PHACTR1: variants seen among roughly 807,000 people sequenced by gnomAD.
PHACTR1 encodes phosphatase and actin regulator 1, also known as RPEL repeat containing 1.
PHACTR1 carries 16 observed loss-of-function variants against 69.2 expected under a neutral mutation model. The ratio of observed to expected loss-of-function variants is 0.23; its 90% CI spans 0.16 to 0.35. The LOEUF (loss-of-function observed/expected upper bound fraction) is 0.35, where lower values mean the gene tolerates loss of function less well. Ranked by LOEUF, PHACTR1 falls within the 10% of genes least tolerant of loss-of-function variation. The pLI is 1.00. For synonymous variants in PHACTR1, 312 were observed against 284.5 expected, an observed-to-expected ratio of 1.10 and a Z score of -0.97; for missense variants, 510 against 734.7, an observed-to-expected ratio of 0.69 and a Z score of 3.54.
chr6:13,190,023 CTTTTTTT>C (rs56040224), intron 7 of PHACTR1, among the ~76,000 whole-genome samples: 2 of 123,842 alleles, frequency 1.6e-5, no homozygotes, highest in Admixed American at 1.7e-4. Context: ...ATCTCTTCTG[CTTTTTTT>C]TTTTTTTTTT....
chr6:13,034,367 ATAAATGG>A (rs1284507230), intron 4 of PHACTR1, among the ~76,000 whole-genome samples: 1 of 152,228 alleles, frequency 6.6e-6, no homozygotes, highest in African/African-American at 2.4e-5. Context: ...CAGATGCTCA[ATAAATGG>A]TTGTTGAATT....
intron 5 of PHACTR1, among the ~76,000 whole-genome samples, chr6:13,095,929 C>T (rs770294324): frequency 1.3e-5 from 2 of 151,836 alleles, no homozygotes; most frequent in Non-Finnish European, 2.9e-5. Context: ...GGTTTTGAAA[C>T]CCAAAAGGTA....
At chr6:12,872,358 T>C (rs1332053072) in intron 4 of PHACTR1, among the ~76,000 whole-genome samples, 1 of 152,168 alleles carries the variant, frequency 6.6e-6, no homozygotes, top group East Asian at 1.9e-4. Context: ...CATGGAAGTT[T>C]ATTATACTAT....
intron 4 of PHACTR1, among the ~76,000 whole-genome samples, chr6:12,763,908 ATAT>A (rs1768315715): frequency 7.0e-6 from 1 of 143,018 alleles, no homozygotes; most frequent in Non-Finnish European, 1.6e-5. Flanking sequence ...TTAATAAAAC[ATAT>A]TATTAATTAA....
intron 7 of PHACTR1, chr6:13,184,819 G>A (rs769284889): frequency 7.3e-7 from 1 of 1,366,566 alleles, no homozygotes; most frequent in Non-Finnish European, 9.8e-7. Flanking sequence ...GAGTCCCTCT[G>A]CCAGTGAGTC....
chr6:12,818,783 C>T (rs1775877274), intron 4 of PHACTR1, among the ~76,000 whole-genome samples: 1 of 152,218 alleles, frequency 6.6e-6, no homozygotes, highest in African/African-American at 2.4e-5. Flanking sequence ...CCCATACCAA[C>T]ATAGGTATAA....
chr6:12,935,705 C>G (rs961526266), intron 4 of PHACTR1, among the ~76,000 whole-genome samples: 2 of 151,884 alleles, frequency 1.3e-5, no homozygotes, highest in African/African-American at 4.8e-5. Context: ...GAGCAGTAAC[C>G]TGGAGGAAGG....
chr6:12,804,157 T>C (rs1774025105), intron 4 of PHACTR1, among the ~76,000 whole-genome samples: 1 of 152,238 alleles, frequency 6.6e-6, no homozygotes, highest in African/African-American at 2.4e-5. Context: ...TACCATCTTG[T>C]GGCTATTAGA....
chr6:13,081,904 G>A (rs905632414), intron 5 of PHACTR1, among the ~76,000 whole-genome samples: 5 of 152,144 alleles, frequency 3.3e-5, no homozygotes, highest in Non-Finnish European at 7.4e-5. Context: ...CTTCATTTAC[G>A]AGAATTTAGG....
At chr6:12,924,543 G>A (rs994284194) in intron 4 of PHACTR1, among the ~76,000 whole-genome samples, 2 of 152,126 alleles carry the variant, frequency 1.3e-5, no homozygotes, top group African/African-American at 2.4e-5. Context: ...GGGAGGCCGA[G>A]GTGGGTGGAT....
intron 6 of PHACTR1, among the ~76,000 whole-genome samples, chr6:13,174,716 T>TTCTC (rs34927928): frequency 4.6e-4 from 69 of 150,258 alleles, no homozygotes; most frequent in African/African-American, 1.3e-3. Flanking sequence ...ATCACATACA[T>TTCTC]TCTCTCTCTC....
intron 5 of PHACTR1, among the ~76,000 whole-genome samples, chr6:13,149,775 G>T (rs890277536): frequency 2.6e-5 from 4 of 151,938 alleles, no homozygotes; most frequent in African/African-American, 9.7e-5. Context: ...AGCTTTGAAT[G>T]CAGTCCAACA....
At chr6:13,225,876 A>G (rs572653874) in intron 8 of PHACTR1, among the ~76,000 whole-genome samples, 2 of 152,260 alleles carry the variant, frequency 1.3e-5, no homozygotes, top group African/African-American at 4.8e-5. Flanking sequence ...TTCCTATAAT[A>G]CCCAATGTGG....
At chr6:12,854,750 A>G (rs1415342742) in intron 4 of PHACTR1, among the ~76,000 whole-genome samples, 1 of 152,226 alleles carries the variant, frequency 6.6e-6, no homozygotes, top group Non-Finnish European at 1.5e-5. Flanking sequence ...ACACTTCTCA[A>G]AAGACATAGA....
intron 4 of PHACTR1, among the ~76,000 whole-genome samples, chr6:12,797,040 T>TGTGTGTGTGTGTGTGTGTGAGA (rs563796658): frequency 5.2e-5 from 7 of 133,396 alleles, no homozygotes; most frequent in African/African-American, 1.4e-4. Flanking sequence ...TGTGTGTGTG[T>TGTGTGTGTGTGTGTGTGTGAGA]GAGAGAGAGA....
In PHACTR1 at chr6:13,005,278, T is replaced by G. The variant is rs1039129268; in HGVS notation, c.251-48087T>G. ...ATCTCTCTATGGAGTATGGAGTATA[T>G]AGAGTATATACATATACTGTCTCTA... is the stretch of plus-strand genomic sequence containing the variant. On this transcript the variant is annotated intron_variant, in intron 4 of 14. Transcript: ENST00000332995. 3.9e-5 allele frequency among the ~76,000 whole-genome samples: 6 copies of G among 152,044 alleles called. No individual in the cohort carries two copies. The East Asian group carries it at 9.6e-4, about 24-fold the overall frequency.
intron 4 of PHACTR1, among the ~76,000 whole-genome samples, chr6:12,834,553 C>T (rs572100550): frequency 1.3e-5 from 2 of 152,182 alleles, no homozygotes; most frequent in African/African-American, 4.8e-5. Flanking sequence ...AATGTGCACC[C>T]GTGAATAAAA....
intron 4 of PHACTR1, among the ~76,000 whole-genome samples, chr6:12,790,775 T>G (rs917219443): frequency 2.0e-5 from 3 of 152,218 alleles, no homozygotes; most frequent in African/African-American, 7.2e-5. Flanking sequence ...GTCCCTTCCA[T>G]CAGGCTAAAT....
intron 6 of PHACTR1, among the ~76,000 whole-genome samples, chr6:13,177,048 C>G (rs1761412143): frequency 6.6e-6 from 1 of 151,618 alleles, no homozygotes. Flanking sequence ...TTCCTTCATA[C>G]AATATTTTAC....
Sources: gnomAD v4.1 joint callset for allele counts (sites outside exome capture counted in the v4.1 genomes callset) on GRCh38, gnomAD v4.1.1 for gene constraint, MANE v1.5 for transcripts, NCBI Gene and HGNC (gene_info 2026-07-23, HGNC 2026-07-21) for gene names.